TBC1D5: variants seen among roughly 807,000 people sequenced by gnomAD.
TBC1D5 encodes the protein TBC1 domain family member 5.
In TBC1D5, 75 loss-of-function variants were observed where a neutral mutation model predicts 100.3. That is an observed-to-expected ratio of 0.75 (90% CI 0.62 to 0.91). The LOEUF (loss-of-function observed/expected upper bound fraction) is 0.91, where lower values mean the gene tolerates loss of function less well. Among genes scored for constraint, TBC1D5 ranks in the 40% least tolerant of loss-of-function variants. The pLI, the probability that TBC1D5 is intolerant of heterozygous loss-of-function variation, is 0.00. For synonymous variants in TBC1D5, 323 were observed against 325.6 expected (o/e 0.99, Z 0.09); for missense variants, 910 against 942.4 (o/e 0.97, Z 0.45).
intron 1 of TBC1D5, among the ~76,000 whole-genome samples, chr3:17,676,006 T>G (rs557294598): frequency 1.3e-5 from 2 of 152,252 alleles, no homozygotes; most frequent in Admixed American, 1.3e-4. Context: ...AATTCCTAAT[T>G]AAATGCATCA....
intron 2 of TBC1D5, among the ~76,000 whole-genome samples, chr3:17,593,110 T>A (rs1018882034): frequency 6.6e-6 from 1 of 152,160 alleles, no homozygotes; most frequent in African/African-American, 2.4e-5. Context: ...TGTTCTCCGA[T>A]CCTGCCACCC....
intron 2 of TBC1D5, among the ~76,000 whole-genome samples, chr3:17,549,652 C>T (rs1020486726): frequency 1.3e-5 from 2 of 152,122 alleles, no homozygotes; most frequent in Non-Finnish European, 2.9e-5. Flanking sequence ...ATGAATGGCG[C>T]AGGCGCTGTG....
chr3:17,316,289 T>C (rs1312659904), intron 13 of TBC1D5, among the ~76,000 whole-genome samples: 2 of 152,228 alleles, frequency 1.3e-5, no homozygotes, highest in East Asian at 1.9e-4. Flanking sequence ...GCAGTGGCCA[T>C]GGGAGTTTTG....
chr3:17,289,984 T>G (rs1045005670), intron 15 of TBC1D5, among the ~76,000 whole-genome samples: 1 of 152,226 alleles, frequency 6.6e-6, no homozygotes, highest in Non-Finnish European at 1.5e-5. Context: ...TGAAAGCCCC[T>G]TTTCAAAGGC....
chr3:17,503,036 G>C (rs2095803673), intron 3 of TBC1D5, among the ~76,000 whole-genome samples: 1 of 149,458 alleles, frequency 6.7e-6, no homozygotes, highest in South Asian at 2.1e-4. Context: ...CAACACTGTA[G>C]TTTATTCACC....
At chr3:17,258,688 GA>G in intron 15 of TBC1D5, 97 bp from the exon 16 acceptor site, 1 of 887,050 alleles carries the variant, frequency 1.1e-6, no homozygotes, top group Non-Finnish European at 1.7e-6. Flanking sequence ...CTTCAGAAAA[GA>G]ATATGTATAA....
chr3:17,695,879 A>G (rs1034424041), intron 1 of TBC1D5, among the ~76,000 whole-genome samples: 8 of 152,250 alleles, frequency 5.3e-5, no homozygotes, highest in Non-Finnish European at 7.3e-5. Context: ...GTAAAAGAAC[A>G]TAAATCACAA....
intron 14 of TBC1D5, among the ~76,000 whole-genome samples, chr3:17,298,395 CAT>C (rs1181653920): frequency 6.6e-6 from 1 of 152,106 alleles, no homozygotes; most frequent in East Asian, 1.9e-4. Flanking sequence ...GGAAGAGAAA[CAT>C]AAAATTAACT....
intron 19 of TBC1D5, among the ~76,000 whole-genome samples, chr3:17,174,284 TGCCAGG>T (rs2067475319): frequency 6.6e-6 from 1 of 151,924 alleles, no homozygotes; most frequent in Non-Finnish European, 1.5e-5. Flanking sequence ...GCACCAAAGG[TGCCAGG>T]TTCTAAATAT....
At chr3:17,228,098 T>C (rs750974984) in intron 17 of TBC1D5, among the ~76,000 whole-genome samples, 2 of 152,102 alleles carry the variant, frequency 1.3e-5, no homozygotes, top group African/African-American at 2.4e-5. Flanking sequence ...TTATAAGGGC[T>C]TGGTTGAGTG....
At chr3:17,660,804 T>C (rs189346146) in intron 1 of TBC1D5, among the ~76,000 whole-genome samples, 2 of 152,314 alleles carry the variant, frequency 1.3e-5, no homozygotes, top group East Asian at 3.9e-4. Flanking sequence ...GGCAGACTAT[T>C]TGGGAGTTTC....
intron 1 of TBC1D5, among the ~76,000 whole-genome samples, chr3:17,686,993 T>C (rs2070379668): frequency 6.6e-6 from 1 of 152,160 alleles, no homozygotes; most frequent in African/African-American, 2.4e-5. Context: ...ATTTGGTTAA[T>C]AGATGTAGAG....
At chr3:17,530,537 G>A (rs1055840861) in intron 2 of TBC1D5, among the ~76,000 whole-genome samples, 1 of 152,110 alleles carries the variant, frequency 6.6e-6, no homozygotes, top group African/African-American at 2.4e-5. Flanking sequence ...ACTCCACAAG[G>A]CATTCCTGCA....
intron 1 of TBC1D5, among the ~76,000 whole-genome samples, chr3:17,678,338 C>CAACT (rs2068918673): frequency 6.6e-6 from 1 of 152,108 alleles, no homozygotes; most frequent in South Asian, 2.1e-4. Context: ...GTACACAAAA[C>CAACT]AACTGGTTCA....
chr3:17,467,341 G>GTTTTTTTTTTT (rs2095318678), intron 3 of TBC1D5, among the ~76,000 whole-genome samples: 1 of 120,158 alleles, frequency 8.3e-6, no homozygotes. Context: ...TATACTTTAA[G>GTTTTTTTTTTT]TTTTAGGGTA....
At chr3:17,702,833 T>C (rs1301900454) in intron 1 of TBC1D5, among the ~76,000 whole-genome samples, 1 of 152,102 alleles carries the variant, frequency 6.6e-6, no homozygotes, top group African/African-American at 2.4e-5. Flanking sequence ...CAGGTATAAA[T>C]AAGTAAAGGC....
At chr3:17,709,812 A>C (rs2074536773) in intron 1 of TBC1D5, among the ~76,000 whole-genome samples, 1 of 152,170 alleles carries the variant, frequency 6.6e-6, no homozygotes, top group Non-Finnish European at 1.5e-5. Context: ...ACCCAAGTAC[A>C]AAAAAGTCAT....
intron 13 of TBC1D5, among the ~76,000 whole-genome samples, chr3:17,343,575 C>T (rs897478961): frequency 3.4e-5 from 5 of 148,218 alleles, no homozygotes; most frequent in African/African-American, 7.5e-5. Context: ...TGGTAGAATT[C>T]GGCTGTGAAT....
chr3:17,378,082 T>C (rs1162012177), intron 9 of TBC1D5, among the ~76,000 whole-genome samples: 2 of 151,688 alleles, frequency 1.3e-5, no homozygotes, highest in Admixed American at 1.3e-4. Flanking sequence ...AATAAATAAG[T>C]ATTGTATTAA....
Sources: allele counts gnomAD v4.1 joint callset (sites outside exome capture counted in the v4.1 genomes callset), GRCh38; gene constraint gnomAD v4.1.1; transcripts MANE v1.5; gene names NCBI Gene and HGNC (gene_info 2026-07-23, HGNC 2026-07-21).